Variants in GLP2R observed in about 807,000 individuals in gnomAD.
The protein encoded by GLP2R is glucagon like peptide 2 receptor, also known as glucagon-like peptide 2 receptor.
GLP2R carries 59 observed loss-of-function variants against 68.2 expected under a neutral mutation model. That is an observed-to-expected ratio of 0.87 (90% CI 0.70 to 1.07). The LOEUF (loss-of-function observed/expected upper bound fraction) is 1.07, where lower values mean the gene tolerates loss of function less well. Among genes scored for constraint, GLP2R ranks in the 50% least tolerant of loss-of-function variants. The pLI, the probability that GLP2R is intolerant of heterozygous loss-of-function variation, is 0.00. For synonymous variants in GLP2R, 270 were observed against 265.4 expected (o/e 1.02, Z -0.17); for missense variants, 548 against 677.4 (o/e 0.81, Z 2.12).
In GLP2R at chr17:9,890,065, TG is replaced by T; in HGVS notation, c.*361del. 2 of 463,978 alleles carry T rather than the reference TG, an allele frequency of 4.3e-6. No individual in the cohort carries two copies. The highest frequency in any genetic ancestry group is 8.6e-6 in the Non-Finnish European group (2 of 232,058). The allele number at this position is 463,978 out of a possible 1,614,324, so 28.7% of individuals were successfully genotyped here. ...CTCTTCCTTTATCCCTTGGGGTGCATGCTTTCCATCTGAGGTTGGGTTTAGG... is the reference window on the plus strand; with the variant it reads ...CTCTTCCTTTATCCCTTGGGGTGCATCTTTCCATCTGAGGTTGGGTTTAGG... On this transcript the variant is annotated 3_prime_UTR_variant, in exon 13 of 13. Transcript: ENST00000262441.
At chr17:9,839,354 C>T (rs1230848796) in intron 3 of GLP2R, among the ~76,000 whole-genome samples, 1 of 152,102 alleles carries the variant, frequency 6.6e-6, no homozygotes, top group Non-Finnish European at 1.5e-5. Flanking sequence ...AACTGAGGGA[C>T]AGGGAGGAGT....
intron 6 of GLP2R, among the ~76,000 whole-genome samples, chr17:9,859,482 C>A (rs1322285956): frequency 6.6e-6 from 1 of 151,836 alleles, no homozygotes; most frequent in East Asian, 1.9e-4. Flanking sequence ...CAGCAAAGGT[C>A]TGGGAGAGAA....
intron 3 of GLP2R, among the ~76,000 whole-genome samples, chr17:9,839,401 TCTC>T (rs1460175247): frequency 2.6e-5 from 4 of 151,750 alleles, no homozygotes; most frequent in Non-Finnish European, 4.4e-5. Context: ...TCCTCTTCCT[TCTC>T]CTCCTCCTCC....
At chr17:9,864,464 G>C (rs1297920243) in intron 9 of GLP2R, among the ~76,000 whole-genome samples, 1 of 147,190 alleles carries the variant, frequency 6.8e-6, no homozygotes, top group Non-Finnish European at 1.5e-5. Flanking sequence ...GTGGGGCCTA[G>C]GCACTGTAGT....
chr17:9,875,718 G>C (rs1029217910), intron 10 of GLP2R, among the ~76,000 whole-genome samples: 1 of 152,158 alleles, frequency 6.6e-6, no homozygotes, highest in African/African-American at 2.4e-5. Context: ...CTAGGAATGC[G>C]GACAGAGTTC....
chr17:9,869,538 C>T (rs944956982), intron 9 of GLP2R, among the ~76,000 whole-genome samples: 3 of 152,208 alleles, frequency 2.0e-5, no homozygotes, highest in African/African-American at 7.2e-5. Context: ...AAGACGGCAG[C>T]CAGGGCCGCA....
rs1555571772 is a variant in GLP2R, at chr17:9,859,636, A to AAAATAT, written c.766-305_766-304insAATATA. ...TGAAACCCTGTGTCTACTAAAAAAAAATATATATATATATATACATACATA... is the reference window on the plus strand; with the variant it reads ...TGAAACCCTGTGTCTACTAAAAAAAAAAATATATATATATATATATATACATACATA... On this transcript the variant is annotated intron_variant, in intron 6 of 12. Transcript: ENST00000262441. Among the ~76,000 whole-genome samples the AAAATAT allele has an allele frequency of 2.7e-3, 381 of 143,088 alleles. 1 individual carries two copies. The highest frequency in any genetic ancestry group is 4.2e-3 in the Non-Finnish European group (276 of 65,992). 93.9% of individuals were successfully genotyped at this position (143,088 alleles called of 152,430 possible).
At chr17:9,878,943 A>T (rs931561176) in intron 10 of GLP2R, among the ~76,000 whole-genome samples, 5 of 152,104 alleles carry the variant, frequency 3.3e-5, no homozygotes, top group African/African-American at 1.2e-4. Context: ...CTAAAAAAAA[A>T]ATCATTACAA....
Position 9,836,567 on chromosome 17 carries a change from A to G in GLP2R, c.382+92A>G, listed in dbSNP as rs937367585. 12 of 718,158 alleles carry G rather than the reference A, an allele frequency of 1.7e-5. No homozygotes were observed. The Admixed American group carries it at 2.4e-4, about 14-fold the overall frequency. The allele number at this position is 718,158 out of a possible 1,614,324, so 44.5% of individuals were successfully genotyped here. A position where few individuals can be genotyped will look rare whatever the true frequency, so the allele number is the denominator to read the frequency against. ...AACAGTCCCCGTCTAAGCTCTCAGT[A>G]ATACATCTTCCTTCTGTAATTTTTC... is the stretch of plus-strand genomic sequence containing the variant. On this transcript the variant is annotated intron_variant, in intron 3 of 12. Transcript: ENST00000262441.
intron 1 of GLP2R, among the ~76,000 whole-genome samples, chr17:9,827,459 G>A (rs1457150232): frequency 6.6e-6 from 1 of 152,116 alleles, no homozygotes; most frequent in Non-Finnish European, 1.5e-5. Flanking sequence ...TAGATCCATG[G>A]TATAATATTT....
intron 9 of GLP2R, among the ~76,000 whole-genome samples, chr17:9,864,100 G>A (rs2067011934): frequency 6.6e-6 from 1 of 152,136 alleles, no homozygotes; most frequent in African/African-American, 2.4e-5. Context: ...AATCCCCTGG[G>A]TGTCTTTAAA....
At chr17:9,859,524 G>A (rs936927483) in intron 6 of GLP2R, among the ~76,000 whole-genome samples, 1 of 151,912 alleles carries the variant, frequency 6.6e-6, no homozygotes, top group Non-Finnish European at 1.5e-5. Context: ...CGGGCACGGT[G>A]GCTAACACCT....
rs3073988 is a variant in GLP2R at position 9,873,556 on chromosome 17, C to CTTTTTTTTTTTTTTTTTTTTTTT, written c.1145+2722_1145+2744dup. ...GGATATCACAAAAACTATGCATGGA[C>CTTTTTTTTTTTTTTTTTTTTTTT]TTTTTTTTTTTTTTTTTTTTTTTAG... On this transcript the variant is annotated intron_variant, in intron 10 of 12. Coordinates refer to ENST00000262441, the MANE Select transcript of GLP2R (RefSeq NM_004246.3). Among the ~76,000 whole-genome samples the CTTTTTTTTTTTTTTTTTTTTTTT allele has an allele frequency of 5.4e-4, 28 of 52,058 alleles. 6 individuals are homozygous for CTTTTTTTTTTTTTTTTTTTTTTT. The highest frequency in any genetic ancestry group is 8.5e-4 in the Non-Finnish European group (25 of 29,446). The allele number at this position is 52,058 out of a possible 152,430, so 34.2% of individuals were successfully genotyped here.
intron 10 of GLP2R, among the ~76,000 whole-genome samples, chr17:9,874,799 C>T (rs1343788123): frequency 6.6e-6 from 1 of 152,194 alleles, no homozygotes; most frequent in Non-Finnish European, 1.5e-5. Context: ...TCCAGGAATC[C>T]AAAGAACGTT....
chr17:9,877,750 G>A (rs978716699), intron 10 of GLP2R, among the ~76,000 whole-genome samples: 6 of 151,848 alleles, frequency 4.0e-5, no homozygotes, highest in South Asian at 2.1e-4. Flanking sequence ...AGTGGCGGGC[G>A]CCTGTATTCC....
intron 4 of GLP2R, among the ~76,000 whole-genome samples, chr17:9,846,920 T>C (rs773118458): frequency 2.0e-5 from 3 of 152,186 alleles, no homozygotes; most frequent in Non-Finnish European, 4.4e-5. Context: ...GACCAAGATT[T>C]GTTTGTTCTG....
At chr17:9,855,345 TTGGC>T (rs1310557355) in intron 5 of GLP2R, among the ~76,000 whole-genome samples, 1 of 152,204 alleles carries the variant, frequency 6.6e-6, no homozygotes, top group East Asian at 1.9e-4. Flanking sequence ...ATAAAGCCAG[TTGGC>T]TACACAGCTA....
intron 9 of GLP2R, among the ~76,000 whole-genome samples, chr17:9,870,019 A>G (rs1241719779): frequency 2.0e-5 from 3 of 152,200 alleles, no homozygotes; most frequent in Non-Finnish European, 4.4e-5. Context: ...TAGGGAGTAG[A>G]GAGCATATTC....
intron 4 of GLP2R, among the ~76,000 whole-genome samples, chr17:9,847,645 A>T (rs2066853474): frequency 6.6e-6 from 1 of 152,148 alleles, no homozygotes; most frequent in African/African-American, 2.4e-5. Context: ...ACAAGCCAGG[A>T]TGACCGTACC....
Sources: gnomAD v4.1 joint callset for allele counts (sites outside exome capture counted in the v4.1 genomes callset) on GRCh38, gnomAD v4.1.1 for gene constraint, MANE v1.5 for transcripts, NCBI Gene and HGNC (gene_info 2026-07-23, HGNC 2026-07-21) for gene names.